NRXN1: variants seen among roughly 807,000 people sequenced by gnomAD.
NRXN1 encodes the protein neurexin 1.
A neutral mutation model predicts 150.9 loss-of-function variants in NRXN1; 39 were observed. That is an observed-to-expected ratio of 0.26 (90% confidence interval 0.20 to 0.34). NRXN1 has a LOEUF of 0.34. Among genes scored for constraint, NRXN1 ranks in the 10% least tolerant of loss-of-function variants. The pLI is 1.00. For missense variants in NRXN1, 1,815 were observed against 1,949.9 expected (o/e 0.93, Z 1.30); for synonymous variants, 924 against 757.0 (o/e 1.22, Z -3.62).
At chr2:50,722,241 G>T (rs1178603664) in intron 5 of NRXN1, among the ~76,000 whole-genome samples, 3 of 152,008 alleles carry the variant, frequency 2.0e-5, no homozygotes, top group Admixed American at 2.0e-4. Flanking sequence ...AAAAAATATG[G>T]AACCCCAAAA....
At chr2:50,925,442 C>G (rs1275241046) in intron 3 of NRXN1, among the ~76,000 whole-genome samples, 1 of 151,728 alleles carries the variant, frequency 6.6e-6, no homozygotes, top group Non-Finnish European at 1.5e-5. Context: ...ATTTTTTAAT[C>G]TAAATTTATG....
intron 8 of NRXN1, among the ~76,000 whole-genome samples, chr2:50,578,269 G>A (rs1671736342): frequency 6.6e-6 from 1 of 152,124 alleles, no homozygotes; most frequent in South Asian, 2.1e-4. Context: ...CATAGCAAGA[G>A]CATAGTGTCT....
intron 18 of NRXN1, among the ~76,000 whole-genome samples, chr2:50,095,099 C>A (rs765717083): frequency 6.6e-6 from 1 of 152,156 alleles, no homozygotes; most frequent in Admixed American, 6.5e-5. Flanking sequence ...TCGTGCTCCT[C>A]CCAGTGCAAG....
intron 5 of NRXN1, among the ~76,000 whole-genome samples, chr2:50,807,121 G>T (rs1475293439): frequency 3.9e-5 from 6 of 151,990 alleles, no homozygotes; most frequent in Non-Finnish European, 8.8e-5. Flanking sequence ...AAACCTCTTA[G>T]AGTCTCTGAA....
At chr2:50,636,212 G>C (rs890849825) in intron 5 of NRXN1, among the ~76,000 whole-genome samples, 2 of 152,118 alleles carry the variant, frequency 1.3e-5, no homozygotes, top group African/African-American at 4.8e-5. Flanking sequence ...GTTTGTGCCT[G>C]AGTAACTTAC....
intron 5 of NRXN1, among the ~76,000 whole-genome samples, chr2:50,889,785 CA>C (rs1680786867): frequency 6.6e-6 from 1 of 151,422 alleles, no homozygotes; most frequent in African/African-American, 2.4e-5. Context: ...TGTTATAAAA[CA>C]AATTTTATAA....
chr2:50,147,808 A>T (rs1479432264), intron 18 of NRXN1, among the ~76,000 whole-genome samples: 1 of 151,752 alleles, frequency 6.6e-6, no homozygotes, highest in Admixed American at 6.6e-5. Flanking sequence ...AATACAAAAC[A>T]GTTATAGCTA....
At chr2:50,723,904 C>G (rs113574788) in intron 5 of NRXN1, among the ~76,000 whole-genome samples, 1 of 152,128 alleles carries the variant, frequency 6.6e-6, no homozygotes, top group Non-Finnish European at 1.5e-5. Flanking sequence ...TTTATACATG[C>G]TCATATATCA....
At chr2:50,890,918 T>C (rs181272205) in intron 5 of NRXN1, among the ~76,000 whole-genome samples, 7 of 152,080 alleles carry the variant, frequency 4.6e-5, no homozygotes, top group African/African-American at 1.7e-4. Context: ...TACTTCAACG[T>C]AAAGAATAAA....
chr2:50,466,447 A>G (rs773743240), intron 16 of NRXN1: 2 of 474,028 alleles, frequency 4.2e-6, no homozygotes, highest in Non-Finnish European at 8.7e-6. Flanking sequence ...TTATATACAC[A>G]CAGGGCTATC....
rs898709313 is a variant in NRXN1 at position 50,762,358 on chromosome 2, T to A, written c.833-138743A>T. On this transcript the variant is annotated intron_variant, in intron 5 of 22. Coordinates refer to ENST00000401669, the MANE Select transcript of NRXN1 (RefSeq NM_001330078.2). ...TTTTTTTTCAACTTTTAATTTTTAA[T>A]TCAGGGGTCACATGTAAAGGTTTGT... 5.3e-5 allele frequency among the ~76,000 whole-genome samples: 8 copies of A among 151,966 alleles called. No individual in the cohort carries two copies. The South Asian group carries it at 1.7e-3, about 32-fold the overall frequency.
chr2:50,297,401 C>T (rs2073713762), intron 17 of NRXN1, among the ~76,000 whole-genome samples: 2 of 152,096 alleles, frequency 1.3e-5, no homozygotes, highest in South Asian at 2.1e-4. Flanking sequence ...CACAGAACTA[C>T]CTTTAAATAT....
chr2:50,314,044 G>T (rs79970772), intron 17 of NRXN1, among the ~76,000 whole-genome samples: 1 of 151,984 alleles, frequency 6.6e-6, no homozygotes, highest in African/African-American at 2.4e-5. Flanking sequence ...TCGAGTATCT[G>T]GGAACCTCAA....
chr2:49,946,456 C>G (rs564026102), intron 21 of NRXN1, among the ~76,000 whole-genome samples: 1 of 152,078 alleles, frequency 6.6e-6, no homozygotes, highest in African/African-American at 2.4e-5. Flanking sequence ...AGTCTTTGCC[C>G]ATGCCTGTGT....
chr2:50,729,763 A>G (rs1697855979), intron 5 of NRXN1, among the ~76,000 whole-genome samples: 1 of 152,144 alleles, frequency 6.6e-6, no homozygotes, highest in African/African-American at 2.4e-5. Flanking sequence ...GCTTCTTTGC[A>G]TTCTCCCTGA....
chr2:50,436,604 C>A (rs1036261165), intron 17 of NRXN1, among the ~76,000 whole-genome samples: 2 of 152,106 alleles, frequency 1.3e-5, no homozygotes, highest in African/African-American at 2.4e-5. Flanking sequence ...GGTTTCAGGG[C>A]AGATATTACT....
chr2:50,647,434 T>C (rs761197284), intron 5 of NRXN1, among the ~76,000 whole-genome samples: 9 of 151,846 alleles, frequency 5.9e-5, no homozygotes, highest in Non-Finnish European at 8.8e-5. Flanking sequence ...CTATGAAAAA[T>C]GTTACTATTT....
intron 15 of NRXN1, among the ~76,000 whole-genome samples, chr2:50,483,408 G>C (rs2090626018): frequency 1.3e-5 from 2 of 152,138 alleles, no homozygotes; most frequent in South Asian, 4.1e-4. Context: ...GCATTTGTTT[G>C]TTTCTTTACT....
intron 17 of NRXN1, among the ~76,000 whole-genome samples, chr2:50,309,198 T>C (rs1306457466): frequency 6.6e-6 from 1 of 152,218 alleles, no homozygotes. Context: ...CGGCCTCAGT[T>C]ATCATTTGAA....
Sources: gnomAD v4.1 joint callset for allele counts (sites outside exome capture counted in the v4.1 genomes callset) on GRCh38, gnomAD v4.1.1 for gene constraint, MANE v1.5 for transcripts, NCBI Gene and HGNC (gene_info 2026-07-23, HGNC 2026-07-21) for gene names.